The following MED4 variants were observed in gnomAD, a reference collection of about 807,000 sequenced individuals.
MED4 encodes the protein mediator complex subunit 4.
MED4 carries 21 observed loss-of-function variants against 35.0 expected under a neutral mutation model. The observed-to-expected ratio is 0.60, with a 90% confidence interval of 0.43 to 0.86. MED4 has a LOEUF of 0.86. MED4 is among the 40% of genes least tolerant of loss of function. MED4 has a pLI of 0.00. For missense variants in MED4, 300 were observed against 319.4 expected (o/e 0.94, Z 0.46); for synonymous variants, 138 against 114.0 (o/e 1.21, Z -1.34).
intron 3 of MED4, 54 bp from the exon 4 acceptor site, chr13:48,083,482 T>TA: frequency 6.7e-7 from 1 of 1,485,004 alleles, no homozygotes; most frequent in South Asian, 1.2e-5. Context: ...ATATCAAACT[T>TA]AGTTTTTGGC....
rs762270222 is a variant in MED4, at chr13:48,081,698, G to C, written c.455C>G (p.Ala152Gly). 8 of 1,611,302 alleles carry C rather than the reference G, an allele frequency of 5.0e-6. No homozygotes were observed. The East Asian group carries it at 1.8e-4, about 36-fold the overall frequency. ...AGCATTACTTGCACTGATCCTATGT[G>C]CATACTTAATTATTTCTTCAGAGGA... ...AISSEEIIKY[A>G]HRISASNAVC... Residue 152 changes from alanine to glycine, a missense_variant, in exon 5 of 7, where the codon GCA becomes GGA. By Grantham distance (60) the Ala-to-Gly change is moderately conservative. Coordinates refer to ENST00000258648, the MANE Select transcript of MED4 (RefSeq NM_014166.4).
chr13:48,093,587 C>T (rs1950904536), intron 1 of MED4: 1 of 470,368 alleles, frequency 2.1e-6, no homozygotes, highest in African/African-American at 2.0e-5. Flanking sequence ...AAGCCAGTCA[C>T]ACCACCAGAG....
At chr13:48,087,579 CAGTGGCTCATGCCTGTAATCCCA>C (rs1655614483) in intron 2 of MED4, among the ~76,000 whole-genome samples, 1 of 152,052 alleles carries the variant, frequency 6.6e-6, no homozygotes, top group South Asian at 2.1e-4. Flanking sequence ...CGGCCAGGCG[CAGTGGCTCATGCCTGTAATCCCA>C]GCACTTTGGG....
Position 48,076,669 on chromosome 13 carries a change from C to A in MED4, c.*470G>T, listed in dbSNP as rs759128427. 2 of 152,306 alleles carry A rather than the reference C, an allele frequency of 1.3e-5. No individual in the cohort carries two copies. The highest frequency in any genetic ancestry group is 2.9e-5 in the Non-Finnish European group (2 of 68,146). The allele number at this position is 152,306 out of a possible 1,614,324, so 9.4% of individuals were successfully genotyped here. A position where few individuals can be genotyped will look rare whatever the true frequency, so the allele number is the denominator to read the frequency against. On this transcript the variant is annotated 3_prime_UTR_variant, in exon 7 of 7. Coordinates refer to ENST00000258648, the MANE Select transcript of MED4 (RefSeq NM_014166.4). ...CCATGCCTCCAACAGAAGCCAAGAG[C>A]CTTTACTGTCAAATGGCAGTTTTTG...
At chr13:48,086,197 T>C (rs1950847313) in intron 3 of MED4, 85 bp downstream of exon 3, 1 of 1,303,976 alleles carries the variant, frequency 7.7e-7, no homozygotes. Flanking sequence ...AGTTTTCTGC[T>C]CTTCAAAATA....
At chr13:48,087,843 T>A (rs971897853) in intron 2 of MED4, among the ~76,000 whole-genome samples, 28 of 150,784 alleles carry the variant, frequency 1.9e-4, no homozygotes. Flanking sequence ...GAGCAAGACT[T>A]CGTCTCAGGA....
chr13:48,081,812 C>T (rs552528646), intron 4 of MED4, 81 bp from the exon 5 acceptor site: 12 of 735,802 alleles, frequency 1.6e-5, no homozygotes, highest in East Asian at 1.6e-4. Flanking sequence ...AGTTACACAT[C>T]GTATTTAATT....
chr13:48,090,850 A>C (rs1057376395), intron 1 of MED4, among the ~76,000 whole-genome samples: 2 of 152,224 alleles, frequency 1.3e-5, no homozygotes, highest in African/African-American at 4.8e-5. Flanking sequence ...AGAAAAACTC[A>C]TACATCAGGG....
intron 2 of MED4, among the ~76,000 whole-genome samples, 159 bp downstream of exon 2, chr13:48,090,193 A>G (rs1318120894): frequency 6.6e-6 from 1 of 152,170 alleles, no homozygotes; most frequent in East Asian, 1.9e-4. Flanking sequence ...TGATACAAAG[A>G]AAATACCAAT....
At chr13:48,094,089 T>G (rs1259987812) in intron 1 of MED4, among the ~76,000 whole-genome samples, 1 of 152,220 alleles carries the variant, frequency 6.6e-6, no homozygotes, top group Non-Finnish European at 1.5e-5. Context: ...ATAATTTTTC[T>G]GCAGAAAAGT....
chr13:48,083,261 C>T, intron 4 of MED4, 110 bp downstream of exon 4: 1 of 839,410 alleles, frequency 1.2e-6, no homozygotes, highest in Non-Finnish European at 1.8e-6. Context: ...TAAAAATTTA[C>T]TGAATCTTTT....
intron 1 of MED4, 124 bp downstream of exon 1, chr13:48,094,830 C>T (rs971148113): frequency 1.6e-4 from 223 of 1,410,602 alleles, no homozygotes; most frequent in Non-Finnish European, 2.0e-4. Flanking sequence ...CCCTCATGCA[C>T]CCGAAACTCC....
At chr13:48,090,450 C>A in intron 1 of MED4, 32 bp from the exon 2 acceptor site, 8 of 1,530,408 alleles carry the variant, frequency 5.2e-6, no homozygotes, top group South Asian at 1.2e-5. Context: ...CAACAAAAAC[C>A]CTTTCACAGC....
chr13:48,082,795 C>T (rs1950819443), intron 4 of MED4, among the ~76,000 whole-genome samples: 1 of 151,612 alleles, frequency 6.6e-6, no homozygotes, highest in Non-Finnish European at 1.5e-5. Flanking sequence ...CCACTGCACT[C>T]CAGCCTGGGC....
chr13:48,094,129 G>A (rs1381932979), intron 1 of MED4, among the ~76,000 whole-genome samples: 1 of 152,064 alleles, frequency 6.6e-6, no homozygotes, highest in African/African-American at 2.4e-5. Flanking sequence ...AACTGGTATC[G>A]GCCAATATAA....
chr13:48,077,589 T>C (rs2137825780), intron 6 of MED4: 1 of 198,536 alleles, frequency 5.0e-6, no homozygotes, highest in African/African-American at 2.3e-5. Flanking sequence ...TTTTAAAGTT[T>C]TTGTAGAGAT....
At chr13:48,078,647 T>C (rs1244035652) in intron 6 of MED4, among the ~76,000 whole-genome samples, 4 of 152,210 alleles carry the variant, frequency 2.6e-5, no homozygotes, top group South Asian at 2.1e-4. Flanking sequence ...CACCATGATA[T>C]GAGAGTATCG....
intron 2 of MED4, 82 bp from the exon 3 acceptor site, chr13:48,086,534 T>C: frequency 3.1e-6 from 4 of 1,274,274 alleles, no homozygotes; most frequent in Non-Finnish European, 3.3e-6. Flanking sequence ...CGTAACTGAA[T>C]TGGCTAGGCT....
At chr13:48,081,589 C>T in intron 5 of MED4, 56 bp downstream of exon 5, 1 of 1,180,242 alleles carries the variant, frequency 8.5e-7, no homozygotes, top group Non-Finnish European at 1.2e-6. Context: ...TGTACATAGT[C>T]ACCTAAGAAT....
Sources: gnomAD v4.1 joint callset for allele counts (sites outside exome capture counted in the v4.1 genomes callset) on GRCh38, gnomAD v4.1.1 for gene constraint, MANE v1.5 for transcripts, NCBI Gene and HGNC (gene_info 2026-07-23, HGNC 2026-07-21) for gene names.